The following PRKCA variants were observed in gnomAD, a reference collection of about 807,000 sequenced individuals.
PRKCA encodes the protein protein kinase C alpha, also known as protein kinase C alpha type.
A neutral mutation model predicts 87.0 loss-of-function variants in PRKCA; 27 were observed. The ratio of observed to expected loss-of-function variants is 0.31; its 90% confidence interval spans 0.23 to 0.43. The LOEUF (loss-of-function observed/expected upper bound fraction) is 0.43. Ranked by LOEUF, PRKCA falls within the 20% of genes least tolerant of loss-of-function variation. PRKCA has a pLI of 1.00. For missense variants in PRKCA, 518 were observed against 852.3 expected (o/e 0.61, Z 4.88); for synonymous variants, 329 against 311.1 (o/e 1.06, Z -0.61).
At chr17:66,726,648 G>A (rs755551769) in intron 8 of PRKCA, among the ~76,000 whole-genome samples, 1 of 152,090 alleles carries the variant, frequency 6.6e-6, no homozygotes, top group Non-Finnish European at 1.5e-5. Flanking sequence ...AGCAGAGCGA[G>A]TGTCCTCCTC....
intron 8 of PRKCA, among the ~76,000 whole-genome samples, chr17:66,726,154 G>A (rs1487806142): frequency 6.6e-6 from 1 of 151,408 alleles, no homozygotes; most frequent in Non-Finnish European, 1.5e-5. Flanking sequence ...GTGTTTGCAG[G>A]TGTGCAGGAC....
At chr17:66,656,754 G>T (rs1971744008) in intron 5 of PRKCA, among the ~76,000 whole-genome samples, 1 of 152,142 alleles carries the variant, frequency 6.6e-6, no homozygotes, top group Non-Finnish European at 1.5e-5. Flanking sequence ...TTTGGGAATG[G>T]TTATGTTCAC....
chr17:66,716,165 A>G (rs1006892643), intron 8 of PRKCA, among the ~76,000 whole-genome samples: 2 of 147,590 alleles, frequency 1.4e-5, no homozygotes, highest in African/African-American at 2.5e-5. Flanking sequence ...TTTTTTTTTT[A>G]GCACCAGAGA....
rs562547297 is a variant in PRKCA at position 66,558,050 on chromosome 17, A to G, written c.288+61767A>G. Among the ~76,000 whole-genome samples the G allele has an allele frequency of 1.1e-3, 162 of 152,346 alleles. 1 individual carries two copies. Among genetic ancestry groups the G allele is most frequent in the Non-Finnish European group, 2.0e-3 (136 of 68,034 alleles). On this transcript the variant is annotated intron_variant, in intron 3 of 16. Coordinates refer to ENST00000413366, the MANE Select transcript of PRKCA (RefSeq NM_002737.3). ...CTGCCCACCGTTCCCAATTGCTGAA[A>G]TGTTTAAGAACTTTATAGCTCTAGC...
intron 3 of PRKCA, among the ~76,000 whole-genome samples, chr17:66,624,953 A>G (rs920679946): frequency 2.6e-5 from 4 of 152,232 alleles, no homozygotes; most frequent in African/African-American, 7.2e-5. Context: ...AATGGTTACT[A>G]TATTGAAGAG....
At chr17:66,712,871 G>A (rs1973366738) in intron 8 of PRKCA, among the ~76,000 whole-genome samples, 1 of 152,132 alleles carries the variant, frequency 6.6e-6, no homozygotes, top group Non-Finnish European at 1.5e-5. Flanking sequence ...AGTAAGTATG[G>A]AAGGTGCCTA....
intron 2 of PRKCA, among the ~76,000 whole-genome samples, chr17:66,394,241 G>A (rs1156286750): frequency 2.6e-5 from 4 of 152,210 alleles, no homozygotes; most frequent in Admixed American, 6.5e-5. Flanking sequence ...ACATGGCTAA[G>A]CTTAGCTGTC....
intron 5 of PRKCA, among the ~76,000 whole-genome samples, chr17:66,651,012 G>A (rs1016892530): frequency 2.0e-5 from 3 of 152,148 alleles, no homozygotes; most frequent in Admixed American, 1.3e-4. Context: ...AAGAATTGGC[G>A]GGTGCTGTAC....
At chr17:66,419,380 A>G (rs1407384718) in intron 2 of PRKCA, among the ~76,000 whole-genome samples, 6 of 152,164 alleles carry the variant, frequency 3.9e-5, no homozygotes, top group African/African-American at 1.4e-4. Flanking sequence ...ATTTAATATA[A>G]CATGTGTCTG....
Position 66,792,363 on chromosome 17 carries a change from T to C in PRKCA, c.1854+3384T>C, listed in dbSNP as rs1258519444. On this transcript the variant is annotated intron_variant, in intron 16 of 16. Coordinates refer to ENST00000413366, the MANE Select transcript of PRKCA (RefSeq NM_002737.3). This position sits in a 1 kb window ranked among gnomAD's most constrained non-coding sequence, Gnocchi z 4.5. ...TAGGATCAGGAGTCTATCATCTTTGTTTTATTAATTTTTAAATTTTTTGAA... is the reference window on the plus strand; with the variant it reads ...TAGGATCAGGAGTCTATCATCTTTGCTTTATTAATTTTTAAATTTTTTGAA... 6.6e-6 allele frequency among the ~76,000 whole-genome samples: 1 copy of C among 152,192 alleles called. No homozygotes were observed. Among genetic ancestry groups the C allele is most frequent in the East Asian group, 1.9e-4 (1 of 5,198 alleles).
At position 66,803,215 on chromosome 17, in the gene PRKCA, C is replaced by A. The variant is rs532151860; in HGVS notation, c.1855-658C>A. ...CATCCTCCAGCCTGAGACCACCCTG[C>A]AAATAAGCTCCAGTCAGTCACCCAG... On this transcript the variant is annotated intron_variant, in intron 16 of 16. Coordinates refer to ENST00000413366, the MANE Select transcript of PRKCA (RefSeq NM_002737.3). This position sits in a 1 kb window ranked among gnomAD's most constrained non-coding sequence, Gnocchi z 4.4. Among the ~76,000 whole-genome samples the A allele has an allele frequency of 6.6e-5, 10 of 152,244 alleles. No individual in the cohort carries two copies. The highest frequency in any genetic ancestry group is 2.4e-4 in the African/African-American group (10 of 41,550).
chr17:66,615,592 C>T (rs1970494032), intron 3 of PRKCA, among the ~76,000 whole-genome samples: 1 of 152,164 alleles, frequency 6.6e-6, no homozygotes, highest in Non-Finnish European at 1.5e-5. Context: ...CCATTTTGAT[C>T]ACCTGCCACT....
chr17:66,806,109 G>A lies in PRKCA; in HGVS notation c.*2072G>A, dbSNP rs903810866. 9.9e-5 allele frequency: 15 copies of A among 152,278 alleles called. No homozygotes were observed. The highest frequency in any genetic ancestry group is 8.5e-4 in the Admixed American group (13 of 15,288). The allele number at this position is 152,278 out of a possible 1,614,324, so 9.4% of individuals were successfully genotyped here. On this transcript the variant is annotated 3_prime_UTR_variant, in exon 17 of 17. Coordinates refer to ENST00000413366, the MANE Select transcript of PRKCA (RefSeq NM_002737.3). ...GAGACACCCCCATGCAAGGTCCTCA[G>A]AGTAGCCGGGTTCTACCACAAACAG...
At chr17:66,537,666 T>G (rs778098706) in intron 3 of PRKCA, among the ~76,000 whole-genome samples, 2 of 152,228 alleles carry the variant, frequency 1.3e-5, no homozygotes, top group Non-Finnish European at 2.9e-5. Flanking sequence ...ATCTTTGCAG[T>G]AGAAAAATAC....
At chr17:66,690,449 G>A (rs985556259) in intron 8 of PRKCA, among the ~76,000 whole-genome samples, 4 of 152,136 alleles carry the variant, frequency 2.6e-5, no homozygotes, top group African/African-American at 7.2e-5. Context: ...CTCTATTGCC[G>A]GATCTTCCTT....
intron 3 of PRKCA, among the ~76,000 whole-genome samples, chr17:66,609,852 G>A (rs1040809594): frequency 3.9e-5 from 6 of 152,014 alleles, no homozygotes; most frequent in Non-Finnish European, 7.4e-5. Context: ...AAACTAACAA[G>A]TGTTTTTTCC....
At chr17:66,679,261 A>C (rs1266799442) in intron 5 of PRKCA, among the ~76,000 whole-genome samples, 1 of 148,658 alleles carries the variant, frequency 6.7e-6, no homozygotes, top group Non-Finnish European at 1.5e-5. Flanking sequence ...GCTCACTGCA[A>C]GCTCTGCCGC....
intron 3 of PRKCA, among the ~76,000 whole-genome samples, chr17:66,575,303 G>A (rs1035307297): frequency 3.9e-5 from 6 of 152,256 alleles, no homozygotes; most frequent in African/African-American, 1.4e-4. Context: ...ATTGGGCCAG[G>A]TGTGGTAGCT....
At chr17:66,684,853 T>C (rs1183984281) in intron 5 of PRKCA, among the ~76,000 whole-genome samples, 1 of 152,246 alleles carries the variant, frequency 6.6e-6, no homozygotes, top group East Asian at 1.9e-4. Flanking sequence ...TCCAGGGCAT[T>C]TTCTGCCTTT....
Sources: gnomAD v4.1 joint callset for allele counts (sites outside exome capture counted in the v4.1 genomes callset) on GRCh38, gnomAD v4.1.1 for gene constraint, Gnocchi (gnomAD v3.1) non-coding constraint, MANE v1.5 for transcripts, NCBI Gene and HGNC (gene_info 2026-07-23, HGNC 2026-07-21) for gene names.